CSMD1: variants seen among roughly 807,000 people sequenced by gnomAD.
CSMD1 encodes CUB and Sushi multiple domains 1.
Under a neutral mutation model 417.5 loss-of-function variants are expected in CSMD1, and 213 were observed. The ratio of observed to expected loss-of-function variants is 0.51; its 90% CI spans 0.46 to 0.57. The LOEUF (loss-of-function observed/expected upper bound fraction) is 0.57, where lower values mean the gene tolerates loss of function less well. Ranked by LOEUF, CSMD1 falls within the 20% of genes least tolerant of loss-of-function variation. The pLI, the probability that CSMD1 is intolerant of heterozygous loss-of-function variation, is 0.00. For missense variants in CSMD1, 6,923 were observed against 4,529.7 expected (o/e 1.53, Z -15.17); for synonymous variants, 2,862 against 1,736.8 (o/e 1.65, Z -16.11).
intron 3 of CSMD1, among the ~76,000 whole-genome samples, chr8:4,273,725 G>C (rs992763878): frequency 2.6e-5 from 4 of 152,168 alleles, no homozygotes; most frequent in East Asian, 1.9e-4. Context: ...TTTGTAGCTA[G>C]ACCATCTGGG....
At chr8:3,714,936 A>C (rs980990786) in intron 6 of CSMD1, among the ~76,000 whole-genome samples, 2 of 152,162 alleles carry the variant, frequency 1.3e-5, no homozygotes, top group Non-Finnish European at 2.9e-5. Context: ...TTTCGCTTTT[A>C]CTCTAGGACT....
intron 5 of CSMD1, among the ~76,000 whole-genome samples, chr8:3,787,083 G>C (rs981369823): frequency 6.6e-6 from 1 of 152,090 alleles, no homozygotes; most frequent in Non-Finnish European, 1.5e-5. Context: ...TGTTTACAGA[G>C]GGTTAAACCA....
chr8:3,478,543 C>A (rs573601069), intron 11 of CSMD1, among the ~76,000 whole-genome samples: 1 of 152,052 alleles, frequency 6.6e-6, no homozygotes, highest in Non-Finnish European at 1.5e-5. Flanking sequence ...GGCCTGGGAC[C>A]GAAGACCAGA....
At position 4,783,914 on chromosome 8, in the gene CSMD1, G is replaced by T. The variant is rs113275572; in HGVS notation, c.86-146356C>A. 1.1e-3 allele frequency among the ~76,000 whole-genome samples: 161 copies of T among 152,234 alleles called. 1 individual carries two copies. The highest frequency in any genetic ancestry group is 3.8e-3 in the African/African-American group (157 of 41,538). ...ATATTTCCACACACTGAATTTGACCGTGAATAAAAGTTGGCTCAATATAGA... is the reference window on the plus strand; with the variant it reads ...ATATTTCCACACACTGAATTTGACCTTGAATAAAAGTTGGCTCAATATAGA... On this transcript the variant is annotated intron_variant, in intron 1 of 69. Coordinates refer to ENST00000635120, the MANE Select transcript of CSMD1 (RefSeq NM_033225.6).
intron 2 of CSMD1, among the ~76,000 whole-genome samples, chr8:4,613,605 C>G (rs904537327): frequency 5.3e-5 from 8 of 152,160 alleles, no homozygotes; most frequent in African/African-American, 1.7e-4. Flanking sequence ...TTTTTTCACC[C>G]TCTTTTTGCT....
intron 7 of CSMD1, among the ~76,000 whole-genome samples, chr8:3,689,928 C>G (rs1299341855): frequency 6.6e-6 from 1 of 152,206 alleles, no homozygotes; most frequent in Non-Finnish European, 1.5e-5. Flanking sequence ...TAATCACGTT[C>G]ATCAATTAAG....
At chr8:3,798,177 A>C (rs566056794) in intron 5 of CSMD1, among the ~76,000 whole-genome samples, 1 of 152,036 alleles carries the variant, frequency 6.6e-6, no homozygotes, top group Non-Finnish European at 1.5e-5. Context: ...TAGATAAAAC[A>C]ATTTTTAACA....
At chr8:3,788,406 T>C (rs1799560148) in intron 5 of CSMD1, among the ~76,000 whole-genome samples, 1 of 152,130 alleles carries the variant, frequency 6.6e-6, no homozygotes, top group Non-Finnish European at 1.5e-5. Context: ...AAGACCCAAG[T>C]GAGGCTTCTG....
chr8:4,195,177 A>G (rs565770467), intron 3 of CSMD1, among the ~76,000 whole-genome samples: 1 of 152,306 alleles, frequency 6.6e-6, no homozygotes, highest in East Asian at 1.9e-4. Context: ...GTGTACACTG[A>G]CTTGTCAATG....
intron 10 of CSMD1, among the ~76,000 whole-genome samples, chr8:3,503,032 G>C (rs900793980): frequency 2.0e-5 from 3 of 152,130 alleles, no homozygotes; most frequent in Admixed American, 1.3e-4. Flanking sequence ...GATCAATTTT[G>C]CTGTGCAAAC....
chr8:2,973,536 G>C (rs889541109), intron 56 of CSMD1, among the ~76,000 whole-genome samples: 1 of 152,146 alleles, frequency 6.6e-6, no homozygotes, highest in Non-Finnish European at 1.5e-5. Flanking sequence ...AAATATGGTT[G>C]TGAGAATAAA....
intron 2 of CSMD1, among the ~76,000 whole-genome samples, chr8:4,488,043 T>C (rs1317195598): frequency 6.6e-6 from 1 of 152,190 alleles, no homozygotes; most frequent in Admixed American, 6.5e-5. Flanking sequence ...GTCATGAGGA[T>C]GGAGCCCTTG....
In CSMD1 at chr8:4,848,141, T is replaced by C. The variant is rs1247567006; in HGVS notation, c.85+146191A>G. 2.0e-5 allele frequency among the ~76,000 whole-genome samples: 3 copies of C among 152,362 alleles called. No individual in the cohort carries two copies. The East Asian group carries it at 5.8e-4, about 29-fold the overall frequency. ...GTCAAGGTTCATCCATGCTGCAGCA[T>C]GTATTAGTACTTCATTCTTGGTCTG... On this transcript the variant is annotated intron_variant, in intron 1 of 69. Transcript: ENST00000635120.
intron 2 of CSMD1, among the ~76,000 whole-genome samples, chr8:4,526,712 T>C (rs1189113800): frequency 6.6e-6 from 1 of 152,214 alleles, no homozygotes; most frequent in Non-Finnish European, 1.5e-5. Flanking sequence ...ATAATTATCA[T>C]TGCTTAAATT....
intron 5 of CSMD1, among the ~76,000 whole-genome samples, chr8:3,923,265 T>G (rs910375118): frequency 6.6e-6 from 1 of 152,118 alleles, no homozygotes; most frequent in African/African-American, 2.4e-5. Flanking sequence ...GTGAGTGGAG[T>G]GTCTGACTCT....
intron 1 of CSMD1, among the ~76,000 whole-genome samples, chr8:4,798,298 G>T (rs1266508711): frequency 1.3e-5 from 2 of 152,166 alleles, no homozygotes; most frequent in Non-Finnish European, 2.9e-5. Flanking sequence ...TGCTGAGAAT[G>T]ATGGTTTCTA....
At position 3,307,821 on chromosome 8, in the gene CSMD1, G is replaced by T. The variant is rs200672229; in HGVS notation, c.3824C>A (p.Ala1275Glu). 6.2e-7 allele frequency: 1 copy of T among 1,611,016 alleles called. No homozygotes were observed. Among genetic ancestry groups the T allele is most frequent in the Non-Finnish European group, 8.5e-7 (1 of 1,178,762 alleles). The stretch of plus-strand genomic sequence containing the variant: ...TGCATGGATCTGACCACCACATTCC[G>T]CTGTAGAAGACACAGAGAGATGGGA... ...VWDKPLPSCI[A>E]ECGGQIHAAT... The change falls in exon 25 of 70, where the codon GCG becomes GAG. Residue 1275 changes from alanine to glutamate, a missense_variant and splice_region_variant. Coordinates refer to ENST00000635120, the MANE Select transcript of CSMD1 (RefSeq NM_033225.6).
chr8:4,198,930 A>T lies in CSMD1; in HGVS notation c.416-166831T>A, dbSNP rs531836366. Among the ~76,000 whole-genome samples, 7 of 145,906 alleles carry T rather than the reference A, an allele frequency of 4.8e-5. 1 individual carries two copies. The East Asian group carries it at 1.4e-3, about 29-fold the overall frequency. The stretch of plus-strand genomic sequence containing the variant: ...TTCCTTCCACGCAGGTTTTTTTTGT[A>T]TTTCCGTGTGTGTATTTATCTTTTT... On this transcript the variant is annotated intron_variant, in intron 3 of 69. Transcript: ENST00000635120.
intron 3 of CSMD1, among the ~76,000 whole-genome samples, chr8:4,392,627 G>A (rs1038585580): frequency 6.6e-6 from 1 of 151,768 alleles, no homozygotes; most frequent in Non-Finnish European, 1.5e-5. Context: ...GAAAAGAGCA[G>A]GGGTTTTTTG....
Sources: gnomAD v4.1 joint callset for allele counts (sites outside exome capture counted in the v4.1 genomes callset) on GRCh38, gnomAD v4.1.1 for gene constraint, MANE v1.5 for transcripts, NCBI Gene and HGNC (gene_info 2026-07-23, HGNC 2026-07-21) for gene names.